Variants in TRAPPC9 observed in about 807,000 individuals in gnomAD.
TRAPPC9 encodes trafficking protein particle complex subunit 9, also known as IKK2 binding protein.
In TRAPPC9, 83 loss-of-function variants were observed where a neutral mutation model predicts 124.0. That is an observed-to-expected ratio of 0.67 (90% CI 0.56 to 0.80). TRAPPC9 has a LOEUF of 0.80. Ranked by LOEUF, TRAPPC9 falls within the 30% of genes least tolerant of loss-of-function variation. The pLI, the probability that TRAPPC9 is intolerant of heterozygous loss-of-function variation, is 0.00. For missense variants in TRAPPC9, 1,302 were observed against 1,508.3 expected (o/e 0.86, Z 2.27); for synonymous variants, 638 against 617.5 (o/e 1.03, Z -0.49).
At chr8:139,949,021 C>A (rs1465745054) in intron 19 of TRAPPC9, among the ~76,000 whole-genome samples, 1 of 151,888 alleles carries the variant, frequency 6.6e-6, no homozygotes, top group Non-Finnish European at 1.5e-5. Flanking sequence ...TGCCGTGAGC[C>A]AAGATTGCAC....
At chr8:140,391,622 G>C (rs925120476) in intron 7 of TRAPPC9, among the ~76,000 whole-genome samples, 3 of 150,860 alleles carry the variant, frequency 2.0e-5, no homozygotes, top group African/African-American at 7.3e-5. Context: ...TGAGGCAGGA[G>C]AATCGCTTGA....
chr8:139,893,827 G>C (rs34405684), intron 20 of TRAPPC9, among the ~76,000 whole-genome samples: 1 of 152,312 alleles, frequency 6.6e-6, no homozygotes, highest in African/African-American at 2.4e-5. Flanking sequence ...ACCGAGCCTC[G>C]GGAAGGTCAA....
chr8:140,176,136 C>T (rs2062065855), intron 17 of TRAPPC9, among the ~76,000 whole-genome samples: 1 of 152,224 alleles, frequency 6.6e-6, no homozygotes, highest in Non-Finnish European at 1.5e-5. Flanking sequence ...GACGATCTCT[C>T]TTGAACTATG....
At chr8:139,832,406 G>C (rs1042590144) in intron 21 of TRAPPC9, among the ~76,000 whole-genome samples, 1 of 152,190 alleles carries the variant, frequency 6.6e-6, no homozygotes, top group Non-Finnish European at 1.5e-5. Flanking sequence ...GAGACCTGCC[G>C]CTCCTGCCAG....
intron 18 of TRAPPC9, among the ~76,000 whole-genome samples, chr8:139,996,363 T>C (rs752235893): frequency 3.3e-5 from 5 of 151,628 alleles, no homozygotes; most frequent in Admixed American, 6.6e-5. Context: ...ACTACCCAAG[T>C]GTACATGCAA....
intron 17 of TRAPPC9, among the ~76,000 whole-genome samples, chr8:140,118,569 G>A (rs1407641172): frequency 6.6e-6 from 1 of 152,216 alleles, no homozygotes. Flanking sequence ...GGGCCCACTG[G>A]CCCCAGGTGG....
At chr8:139,816,224 C>A (rs909034994) in intron 21 of TRAPPC9, among the ~76,000 whole-genome samples, 2 of 152,074 alleles carry the variant, frequency 1.3e-5, no homozygotes, top group Non-Finnish European at 2.9e-5. Context: ...TCAGGCAAAG[C>A]GGGGCCTGGG....
At chr8:140,255,321 T>G (rs1223213884) in intron 15 of TRAPPC9, among the ~76,000 whole-genome samples, 1 of 152,246 alleles carries the variant, frequency 6.6e-6, no homozygotes, top group African/African-American at 2.4e-5. Context: ...GGAAGGAGGT[T>G]AGCATATGTA....
chr8:139,791,207 C>A (rs1393196045), intron 21 of TRAPPC9, among the ~76,000 whole-genome samples: 1 of 152,158 alleles, frequency 6.6e-6, no homozygotes, highest in African/African-American at 2.4e-5. Context: ...TGCCAGCTGG[C>A]CAGCTTCGGG....
intron 14 of TRAPPC9, among the ~76,000 whole-genome samples, chr8:140,277,835 A>G (rs2065172456): frequency 6.6e-6 from 1 of 152,234 alleles, no homozygotes; most frequent in African/African-American, 2.4e-5. Flanking sequence ...TGGCAGAGAG[A>G]AACTCCAATG....
intron 7 of TRAPPC9, among the ~76,000 whole-genome samples, chr8:140,376,152 T>G (rs1195307388): frequency 6.6e-6 from 1 of 152,210 alleles, no homozygotes; most frequent in East Asian, 1.9e-4. Context: ...TTTTCAGTTT[T>G]AATCATTCAA....
intron 21 of TRAPPC9, among the ~76,000 whole-genome samples, chr8:139,829,198 C>G (rs1236194188): frequency 6.6e-6 from 1 of 152,248 alleles, no homozygotes; most frequent in African/African-American, 2.4e-5. Flanking sequence ...CGGAGACGCC[C>G]TTCCGGAGGG....
At chr8:139,977,590 C>T (rs570121471) in intron 19 of TRAPPC9, among the ~76,000 whole-genome samples, 9 of 146,828 alleles carry the variant, frequency 6.1e-5, no homozygotes, top group African/African-American at 2.3e-4. Flanking sequence ...TGCACTCCAG[C>T]CTGGGCGACA....
intron 5 of TRAPPC9, 67 bp downstream of exon 5, chr8:140,426,548 T>A (rs1315102119): frequency 6.8e-7 from 1 of 1,460,144 alleles, no homozygotes; most frequent in East Asian, 2.3e-5. Context: ...TAACCATTCA[T>A]TCACATCACC....
At position 140,252,771 on chromosome 8, in the gene TRAPPC9, G is replaced by C. The variant is rs368418041; in HGVS notation, c.2431+6C>G. ...ACGTGCTAATTAAAATTAGGAAAGC[G>C]CTTACCATCACTGAGATCCTGCAGG... On this transcript the variant is annotated splice_donor_region_variant and intron_variant, in intron 16 of 22. Transcript: ENST00000438773. The surrounding 1 kb of genome is among the most constrained non-coding windows in gnomAD (Gnocchi z 4.2). 6.2e-7 allele frequency: 1 copy of C among 1,613,526 alleles called. No homozygotes were observed. The highest frequency in any genetic ancestry group is 2.2e-5 in the East Asian group (1 of 44,872).
At chr8:140,384,129 C>A (rs2068688142) in intron 7 of TRAPPC9, among the ~76,000 whole-genome samples, 1 of 151,964 alleles carries the variant, frequency 6.6e-6, no homozygotes, top group Non-Finnish European at 1.5e-5. Flanking sequence ...TTTGTCACCA[C>A]CAGGCCTGCC....
rs1463406366 is a variant in TRAPPC9 at position 140,262,389 on chromosome 8, G to GATTAACA, written c.2279-9461_2279-9460insTGTTAAT. Among the ~76,000 whole-genome samples, 684 of 152,154 alleles carry GATTAACA rather than the reference G, an allele frequency of 4.5e-3. 5 individuals carry two copies. The highest frequency in any genetic ancestry group is 0.016 in the African/African-American group (647 of 41,492). ...GCTCCCGAGGCGTTGAACATGACAGGTCTCACAGAACTGATTAAAAGGCAT... is the reference window on the plus strand; with the variant it reads ...GCTCCCGAGGCGTTGAACATGACAGGATTAACATCTCACAGAACTGATTAAAAGGCAT... On this transcript the variant is annotated intron_variant, in intron 15 of 22. Transcript: ENST00000438773.
At chr8:139,849,241 G>A (rs1827294366) in intron 21 of TRAPPC9, among the ~76,000 whole-genome samples, 3 of 152,332 alleles carry the variant, frequency 2.0e-5, no homozygotes, top group South Asian at 4.1e-4. Context: ...CAAATGGGAG[G>A]TGGGTGATGT....
At chr8:140,037,174 G>C (rs1229924576) in intron 17 of TRAPPC9, among the ~76,000 whole-genome samples, 2 of 151,750 alleles carry the variant, frequency 1.3e-5, no homozygotes, top group African/African-American at 4.8e-5. Context: ...CAGGCTGCCC[G>C]GGCTCAGACC....
Sources: allele counts gnomAD v4.1 joint callset (sites outside exome capture counted in the v4.1 genomes callset), GRCh38; gene constraint gnomAD v4.1.1; non-coding constraint Gnocchi (gnomAD v3.1); transcripts MANE v1.5; gene names NCBI Gene and HGNC (gene_info 2026-07-23, HGNC 2026-07-21).